Variants in RASGRP1 observed in about 807,000 individuals in gnomAD.
RASGRP1 encodes RAS guanyl-releasing protein 1.
A neutral mutation model predicts 95.1 loss-of-function variants in RASGRP1; 37 were observed. That is an observed-to-expected ratio of 0.39 (90% CI 0.30 to 0.51). The LOEUF (loss-of-function observed/expected upper bound fraction) is 0.51, where lower values mean the gene tolerates loss of function less well. Ranked by LOEUF, RASGRP1 falls within the 20% of genes least tolerant of loss-of-function variation. The probability of loss-of-function intolerance (pLI) is 0.80; values close to 1 mark genes in which losing one functional copy is unlikely to be tolerated. For missense variants in RASGRP1, 711 were observed against 965.4 expected (o/e 0.74, Z 3.49); for synonymous variants, 325 against 353.4 (o/e 0.92, Z 0.90).
At chr15:38,546,181 A>C (rs989311996) in intron 2 of RASGRP1, among the ~76,000 whole-genome samples, 1 of 152,178 alleles carries the variant, frequency 6.6e-6, no homozygotes, top group African/African-American at 2.4e-5. Context: ...TGCAGATTGG[A>C]ATTTTAATAA....
chr15:38,535,561 A>C (rs1892613451), intron 2 of RASGRP1, among the ~76,000 whole-genome samples: 1 of 152,086 alleles, frequency 6.6e-6, no homozygotes, highest in African/African-American at 2.4e-5. Context: ...CACGTCCCCT[A>C]AGGGCCCACA....
chr15:38,497,918 G>GC (rs1437981782), intron 15 of RASGRP1, among the ~76,000 whole-genome samples: 6 of 152,126 alleles, frequency 3.9e-5, no homozygotes, highest in Admixed American at 3.3e-4. Flanking sequence ...GTGGGAGTTT[G>GC]CCCCCCGCCC....
At chr15:38,492,166 G>T (rs1434998081) in intron 16 of RASGRP1, among the ~76,000 whole-genome samples, 2 of 152,150 alleles carry the variant, frequency 1.3e-5, no homozygotes, top group South Asian at 2.1e-4. Context: ...AGAGGAAGGG[G>T]TTTGTCTAAC....
intron 10 of RASGRP1, chr15:38,503,708 CCT>C (rs1189611442): frequency 1.2e-5 from 3 of 256,962 alleles, no homozygotes; most frequent in African/African-American, 6.9e-5. Context: ...ATTTATGATT[CCT>C]CTCTATTCTC....
At position 38,498,864 on chromosome 15, in the gene RASGRP1, G is replaced by A; in HGVS notation, c.1803C>T (p.Pro601=). The change falls in exon 15 of 17, where the codon CCC becomes CCT. Residue 601 remains proline, a synonymous_variant. Transcript: ENST00000310803. ...GCCCCACAGAAGTGTTGTTCTCTGT[G>A]GGAGCTACTGGGTTCTTGGCTCGCT... ...CKKRAKNPVA[P]TENNTSVGPV... 6.2e-7 allele frequency: 1 copy of A among 1,613,912 alleles called. No individual in the cohort carries two copies. The highest frequency in any genetic ancestry group is 8.5e-7 in the Non-Finnish European group (1 of 1,179,874).
chr15:38,503,361 T>C lies in RASGRP1; in HGVS notation c.1339A>G (p.Lys447Glu), dbSNP rs1891114425. The change falls in exon 11 of 17, where the codon AAG becomes GAG. Residue 447 changes from lysine (K) to glutamate (E), a missense_variant. Lys to Glu is a moderately conservative substitution (Grantham distance 56). Coordinates refer to ENST00000310803, the MANE Select transcript of RASGRP1 (RefSeq NM_005739.4). ...GCCCAGTCCACTACTACTGGTGGCTTTGAAGGTGTTAGTGGCTAAAATGAA... is the reference window on the plus strand; with the variant it reads ...GCCCAGTCCACTACTACTGGTGGCTCTGAAGGTGTTAGTGGCTAAAATGAA... ...NHRAPPLTPS[K>E]PPVVVDWASG... 2 of 1,609,768 alleles carry C rather than the reference T, an allele frequency of 1.2e-6. No homozygotes were observed. Among genetic ancestry groups the C allele is most frequent in the Non-Finnish European group, 1.7e-6 (2 of 1,177,694 alleles).
At chr15:38,561,703 G>A (rs1893817825) in intron 1 of RASGRP1, among the ~76,000 whole-genome samples, 1 of 152,292 alleles carries the variant, frequency 6.6e-6, no homozygotes, top group African/African-American at 2.4e-5. Flanking sequence ...GTGGCCGCTC[G>A]GCTCTATTCT....
chr15:38,553,629 G>A (rs753275093), intron 2 of RASGRP1, among the ~76,000 whole-genome samples: 1 of 152,168 alleles, frequency 6.6e-6, no homozygotes, highest in Non-Finnish European at 1.5e-5. Flanking sequence ...TAGGAATATG[G>A]CCTTTGAATG....
At chr15:38,492,820 T>A (rs1890642303) in intron 16 of RASGRP1, among the ~76,000 whole-genome samples, 1 of 151,956 alleles carries the variant, frequency 6.6e-6, no homozygotes, top group African/African-American at 2.4e-5. Context: ...GAATTGAGTA[T>A]CTTGACAGTT....
At chr15:38,525,338 G>A (rs1892175242) in intron 3 of RASGRP1, among the ~76,000 whole-genome samples, 1 of 152,090 alleles carries the variant, frequency 6.6e-6, no homozygotes, top group South Asian at 2.1e-4. Flanking sequence ...CACTGACATT[G>A]TTTATAATCA....
intron 10 of RASGRP1, 21 bp downstream of exon 10, chr15:38,505,819 G>A: frequency 6.4e-7 from 1 of 1,557,604 alleles, no homozygotes; most frequent in South Asian, 1.1e-5. Flanking sequence ...TACATGTGGA[G>A]TCTTAATATG....
intron 2 of RASGRP1, among the ~76,000 whole-genome samples, chr15:38,557,175 A>G (rs745483147): frequency 2.0e-5 from 3 of 152,210 alleles, no homozygotes; most frequent in Non-Finnish European, 2.9e-5. Flanking sequence ...GCACAGGCAT[A>G]TATTTTGCTA....
chr15:38,539,158 A>C (rs939253251), intron 2 of RASGRP1, among the ~76,000 whole-genome samples: 4 of 152,290 alleles, frequency 2.6e-5, no homozygotes, highest in South Asian at 2.1e-4. Context: ...CTTCTGAGGT[A>C]AACCCTGCCC....
Position 38,490,332 on chromosome 15 carries a change from A to G in RASGRP1, c.*222T>C. 1 of 386,776 alleles carries G rather than the reference A, an allele frequency of 2.6e-6. No individual in the cohort carries two copies. The highest frequency in any genetic ancestry group is 4.5e-6 in the Non-Finnish European group (1 of 223,480). 24.0% of individuals were successfully genotyped at this position (386,776 alleles called of 1,614,324 possible). A position where few individuals can be genotyped will look rare whatever the true frequency, so the allele number is the denominator to read the frequency against. ...ATGAACATCAGTGGTATGAATAGCA[A>G]AAGTTTTGCATTCTTTAGTTTTCCC... On this transcript the variant is annotated 3_prime_UTR_variant, in exon 17 of 17. Coordinates refer to ENST00000310803, the MANE Select transcript of RASGRP1 (RefSeq NM_005739.4).
intron 2 of RASGRP1, among the ~76,000 whole-genome samples, chr15:38,526,612 C>T (rs1032603361): frequency 4.6e-5 from 7 of 152,100 alleles, no homozygotes; most frequent in Non-Finnish European, 7.4e-5. Context: ...TCATTAACTA[C>T]CCCTTTTCCT....
chr15:38,564,537 C>T, intron 1 of RASGRP1, 57 bp downstream of exon 1: 2 of 1,306,338 alleles, frequency 1.5e-6, no homozygotes, highest in South Asian at 4.7e-5. Flanking sequence ...CGGGCAGGGG[C>T]CTCTTTCCCA....
In RASGRP1 at chr15:38,559,872, C is replaced by A. The variant is rs769304356; in HGVS notation, c.169G>T (p.Ala57Ser). 31 of 1,613,982 alleles carry A rather than the reference C, an allele frequency of 1.9e-5. No homozygotes were observed. In the Middle Eastern group the frequency reaches 9.9e-4, roughly 52 times the overall value. The change falls in exon 2 of 17, where the codon GCC becomes TCC. Residue 57 changes from alanine to serine, a missense_variant. Coordinates refer to ENST00000310803, the MANE Select transcript of RASGRP1 (RefSeq NM_005739.4). The stretch of plus-strand genomic sequence containing the variant: ...AGATCGTCCAGGCTGGCTCCTTTGG[C>A]TAAATGTCCCAGAGACACCATCATT... ...FRMMVSLGHL[A>S]KGASLDDLID... is the part of the protein sequence containing the mutation.
chr15:38,543,400 A>G (rs12441015), intron 2 of RASGRP1, among the ~76,000 whole-genome samples: 43 of 152,238 alleles, frequency 2.8e-4, no homozygotes, highest in Admixed American at 1.8e-3. Context: ...ATATTTGTCT[A>G]TCCTTATATG....
chr15:38,513,450 GA>G, intron 6 of RASGRP1, among the ~76,000 whole-genome samples: 1 of 152,206 alleles, frequency 6.6e-6, no homozygotes, highest in Non-Finnish European at 1.5e-5. Flanking sequence ...GATAATGTGT[GA>G]AAGCTTTAAC....
Sources: allele counts gnomAD v4.1 joint callset (sites outside exome capture counted in the v4.1 genomes callset), GRCh38; gene constraint gnomAD v4.1.1; transcripts MANE v1.5; gene names NCBI Gene and HGNC (gene_info 2026-07-23, HGNC 2026-07-21).